Variants in MICAL2 observed in about 807,000 individuals in gnomAD.
MICAL2 encodes microtubule associated monooxygenase, calponin and LIM domain containing 2.
MICAL2 carries 77 observed loss-of-function variants against 127.3 expected under a neutral mutation model. The ratio of observed to expected loss-of-function variants is 0.60; its 90% CI spans 0.50 to 0.73. MICAL2 has a LOEUF of 0.73. Ranked by LOEUF, MICAL2 falls within the 30% of genes least tolerant of loss-of-function variation. The pLI is 0.00. For missense variants in MICAL2, 1,351 were observed against 1,434.4 expected, an observed-to-expected ratio of 0.94 and a Z score of 0.94; for synonymous variants, 570 against 551.1, an observed-to-expected ratio of 1.03 and a Z score of -0.48.
intron 1 of MICAL2, chr11:12,276,364 T>C: frequency 2.6e-6 from 1 of 392,058 alleles, no homozygotes; most frequent in Non-Finnish European, 4.5e-6. Flanking sequence ...GTGTTAAGTG[T>C]ATAGAACAGT....
intron 29 of MICAL2, among the ~76,000 whole-genome samples, chr11:12,317,105 C>G (rs1167786800): frequency 6.6e-6 from 1 of 152,190 alleles, no homozygotes; most frequent in Non-Finnish European, 1.5e-5. Flanking sequence ...AAGGGGATTT[C>G]TATGCTTAGG....
intron 15 of MICAL2, among the ~76,000 whole-genome samples, chr11:12,230,136 G>A (rs762903520): frequency 3.3e-5 from 5 of 152,172 alleles, no homozygotes; most frequent in African/African-American, 9.7e-5. Context: ...TCAGGGCCAC[G>A]TAGAAAGTAC....
At chr11:12,125,374 C>T (rs956117041) in intron 1 of MICAL2, among the ~76,000 whole-genome samples, 14 of 152,362 alleles carry the variant, frequency 9.2e-5, no homozygotes, top group African/African-American at 3.1e-4. Flanking sequence ...CTGCCTCGAC[C>T]TCCCGAGTAG....
At chr11:12,264,854 C>T (rs1010895854), downstream of MICAL2, among the ~76,000 whole-genome samples, 2 of 152,106 alleles carry the variant, frequency 1.3e-5, no homozygotes, top group African/African-American at 4.8e-5. Context: ...TATTCTAAGC[C>T]CTAGGTACAG....
At chr11:12,156,801 G>A (rs1481951131) in intron 2 of MICAL2, among the ~76,000 whole-genome samples, 1 of 152,250 alleles carries the variant, frequency 6.6e-6, no homozygotes, top group Non-Finnish European at 1.5e-5. Flanking sequence ...CATCTCAGGT[G>A]TTGGATTCAG....
intron 2 of MICAL2, among the ~76,000 whole-genome samples, chr11:12,158,274 TCCTTGA>T (rs1854404680): frequency 6.6e-6 from 1 of 152,216 alleles, no homozygotes; most frequent in Admixed American, 6.5e-5. Context: ...TGTATATAAC[TCCTTGA>T]CCCAGAAAGC....
intron 3 of MICAL2, among the ~76,000 whole-genome samples, chr11:12,175,725 G>T (rs1471865219): frequency 6.6e-6 from 1 of 152,092 alleles, no homozygotes; most frequent in Non-Finnish European, 1.5e-5. Flanking sequence ...TTTGAGCAGA[G>T]ACCTAAAGGA....
chr11:12,172,527 A>G (rs2133886438), intron 3 of MICAL2, among the ~76,000 whole-genome samples: 1 of 152,298 alleles, frequency 6.6e-6, no homozygotes, highest in East Asian at 1.9e-4. Flanking sequence ...GAGTTTTGCA[A>G]GAAACAAGGT....
chr11:12,260,224 G>A, intron 26 of MICAL2: 1 of 1,453,312 alleles, frequency 6.9e-7, no homozygotes, highest in South Asian at 1.4e-5. Flanking sequence ...GCTTCAGATG[G>A]CAGTGCGTTT....
intron 3 of MICAL2, among the ~76,000 whole-genome samples, chr11:12,194,562 A>C (rs1282024924): frequency 6.6e-6 from 1 of 152,148 alleles, no homozygotes; most frequent in Admixed American, 6.5e-5. Flanking sequence ...CTGGCCCTAC[A>C]TTTTTTAGCT....
chr11:12,342,048 A>T (rs1938875852), intron 32 of MICAL2, among the ~76,000 whole-genome samples: 1 of 152,184 alleles, frequency 6.6e-6, no homozygotes, highest in African/African-American at 2.4e-5. Context: ...AGCAAGTGGG[A>T]TACTTACATT....
intron 34 of MICAL2, chr11:12,354,910 C>T: frequency 6.5e-7 from 1 of 1,529,568 alleles, no homozygotes; most frequent in East Asian, 2.3e-5. Context: ...GGCTCCTGAG[C>T]AGCGTGTGCC....
In MICAL2 at chr11:12,153,127, C is replaced by T. The variant is rs117536208; in HGVS notation, c.-77-8952C>T. 968 of 150,734 alleles carry T rather than the reference C, an allele frequency of 6.4e-3. 15 individuals are homozygous for T. Among genetic ancestry groups the T allele is most frequent in the East Asian group, 0.053 (265 of 5,000 alleles). The allele number at this position is 150,734 out of a possible 1,614,324, so 9.3% of individuals were successfully genotyped here. On this transcript the variant is annotated intron_variant, in intron 2 of 27. Coordinates refer to ENST00000683283, the MANE Select transcript of MICAL2 (RefSeq NM_001282663.2). The stretch of plus-strand genomic sequence containing the variant: ...CTTACAGCAGCCTCGACCTCCTGGG[C>T]CCAAGCAATCCTCCCACCTCAGTTC...
intron 3 of MICAL2, among the ~76,000 whole-genome samples, chr11:12,162,663 C>T (rs1854964113): frequency 6.6e-6 from 1 of 152,234 alleles, no homozygotes; most frequent in Non-Finnish European, 1.5e-5. Context: ...GAGAGAAGCC[C>T]ATGCTTGATA....
chr11:12,219,528 CAAAAAAAAAAAAAAAAA>C (rs11316414), intron 8 of MICAL2, among the ~76,000 whole-genome samples: 1 of 48,606 alleles, frequency 2.1e-5, no homozygotes, highest in African/African-American at 8.1e-5. Flanking sequence ...AACTCCATCT[CAAAAAAAAAAAAAAAAA>C]AAAAAAAAAA....
chr11:12,243,637 G>C (rs1394495425), intron 20 of MICAL2, among the ~76,000 whole-genome samples: 2 of 152,214 alleles, frequency 1.3e-5, no homozygotes, highest in African/African-American at 4.8e-5. Flanking sequence ...AGCAGCCCAG[G>C]GTTCTCCTCT....
intron 21 of MICAL2, among the ~76,000 whole-genome samples, chr11:12,246,567 C>G (rs1860772095): frequency 6.6e-6 from 1 of 152,222 alleles, no homozygotes. Context: ...ACTCCAAAAG[C>G]CAATGTGTGA....
intron 3 of MICAL2, among the ~76,000 whole-genome samples, chr11:12,186,232 G>A (rs958899851): frequency 6.6e-6 from 1 of 152,248 alleles, no homozygotes; most frequent in African/African-American, 2.4e-5. Flanking sequence ...ATGAAGCAAA[G>A]GTTAGACATG....
At chr11:12,300,346 G>T (rs1864033590) in intron 29 of MICAL2, among the ~76,000 whole-genome samples, 1 of 152,118 alleles carries the variant, frequency 6.6e-6, no homozygotes, top group Admixed American at 6.6e-5. Context: ...AAATATGATG[G>T]ATTTCATTTC....
Sources: gnomAD v4.1 joint callset for allele counts (sites outside exome capture counted in the v4.1 genomes callset) on GRCh38, gnomAD v4.1.1 for gene constraint, MANE v1.5 for transcripts, NCBI Gene and HGNC (gene_info 2026-07-23, HGNC 2026-07-21) for gene names.